The following SYN3 variants were observed in gnomAD, a reference collection of about 807,000 sequenced individuals.
SYN3 encodes synapsin-3.
SYN3 carries 35 observed loss-of-function variants against 65.8 expected under a neutral mutation model. The observed-to-expected ratio is 0.53, with a 90% confidence interval of 0.41 to 0.70. The LOEUF (loss-of-function observed/expected upper bound fraction) is 0.70, where lower values mean the gene tolerates loss of function less well. Among genes scored for constraint, SYN3 ranks in the 30% least tolerant of loss-of-function variants. The probability of loss-of-function intolerance (pLI) is 0.00; values close to 1 mark genes in which losing one functional copy is unlikely to be tolerated. For synonymous variants in SYN3, 270 were observed against 292.9 expected, an observed-to-expected ratio of 0.92 and a Z score of 0.80; for missense variants, 680 against 749.0, an observed-to-expected ratio of 0.91 and a Z score of 1.08.
intron 6 of SYN3, among the ~76,000 whole-genome samples, chr22:32,725,523 G>A (rs2061178318): frequency 6.6e-6 from 1 of 152,200 alleles, no homozygotes; most frequent in Non-Finnish European, 1.5e-5. Flanking sequence ...TCTTGAGATG[G>A]AGAGATTATC....
Position 33,017,706 on chromosome 22 carries a change from C to A in SYN3, c.-162-10882G>T, listed in dbSNP as rs542548402. On this transcript the variant is annotated intron_variant, in intron 1 of 13. Coordinates refer to ENST00000358763, the MANE Select transcript of SYN3 (RefSeq NM_003490.4). ...TATAAAAAAATGCTACTGATTTTTG[C>A]GTGTTGATTTCGTACCCTGCAACTT... Among the ~76,000 whole-genome samples, 72 of 149,976 alleles carry A rather than the reference C, an allele frequency of 4.8e-4. 1 individual carries two copies. The highest frequency in any genetic ancestry group is 1.0e-4 in the Non-Finnish European group (7 of 67,672).
At chr22:32,618,247 G>C (rs529539425) in intron 6 of SYN3, among the ~76,000 whole-genome samples, 3 of 152,242 alleles carry the variant, frequency 2.0e-5, no homozygotes, top group East Asian at 3.9e-4. Flanking sequence ...AACTGAGCTC[G>C]TGTGAAATTG....
chr22:32,865,481 T>C (rs960777529), intron 5 of SYN3, among the ~76,000 whole-genome samples: 1 of 152,246 alleles, frequency 6.6e-6, no homozygotes, highest in African/African-American at 2.4e-5. Flanking sequence ...TTCTGAGCTT[T>C]CGTTTCTTCA....
intron 6 of SYN3, among the ~76,000 whole-genome samples, chr22:32,792,339 C>T (rs973496927): frequency 2.0e-5 from 3 of 152,136 alleles, no homozygotes; most frequent in South Asian, 2.1e-4. Flanking sequence ...TTTGAGAGAT[C>T]GTTAAATCCA....
chr22:33,011,987 G>A (rs1362488359), intron 1 of SYN3, among the ~76,000 whole-genome samples: 1 of 152,016 alleles, frequency 6.6e-6, no homozygotes, highest in Non-Finnish European at 1.5e-5. Context: ...CTCTTGCAGG[G>A]CACCAACTTG....
intron 3 of SYN3, among the ~76,000 whole-genome samples, chr22:32,979,253 C>A (rs1319772937): frequency 6.6e-6 from 1 of 151,828 alleles, no homozygotes; most frequent in African/African-American, 2.4e-5. Context: ...TCCTCCTAGA[C>A]CACAGGCATT....
chr22:32,742,579 A>C (rs78728098), intron 6 of SYN3, among the ~76,000 whole-genome samples: 8,793 of 152,188 alleles, frequency 0.058, 268 homozygotes, highest in Non-Finnish European at 0.069. Context: ...GTTCTTTCTC[A>C]CTCTATAGAC....
rs542998105 is a variant in SYN3, at chr22:32,508,278, G to A, written c.*5414C>T. ...TAAATTTCCTTCTTCTGGCTCAGAA[G>A]CTCCCGCACTGAGCACCTTGTGACC... On this transcript the variant is annotated 3_prime_UTR_variant, in exon 14 of 14. Coordinates refer to ENST00000358763, the MANE Select transcript of SYN3 (RefSeq NM_003490.4). Among the ~76,000 whole-genome samples the A allele has an allele frequency of 1.3e-5, 2 of 152,096 alleles. No homozygotes were observed. The highest frequency in any genetic ancestry group is 2.4e-5 in the African/African-American group (1 of 41,402).
chr22:32,949,246 T>C (rs2051210958), intron 3 of SYN3, among the ~76,000 whole-genome samples: 1 of 151,808 alleles, frequency 6.6e-6, no homozygotes, highest in Non-Finnish European at 1.5e-5. Flanking sequence ...GACCCTTATA[T>C]CTTTTTAAAA....
At chr22:32,570,092 G>T (rs1190091958) in intron 7 of SYN3, among the ~76,000 whole-genome samples, 1 of 152,174 alleles carries the variant, frequency 6.6e-6, no homozygotes, top group Non-Finnish European at 1.5e-5. Flanking sequence ...ACAATGGCTG[G>T]ACTTATCTTG....
intron 1 of SYN3, among the ~76,000 whole-genome samples, chr22:33,020,792 C>A (rs1463688199): frequency 6.6e-6 from 1 of 152,202 alleles, no homozygotes; most frequent in Non-Finnish European, 1.5e-5. Context: ...AGGCAGTAAG[C>A]TTGAAGGTTA....
intron 2 of SYN3, among the ~76,000 whole-genome samples, chr22:32,995,206 C>T (rs554008988): frequency 6.6e-6 from 1 of 152,296 alleles, no homozygotes; most frequent in East Asian, 1.9e-4. Flanking sequence ...TTTGGCTCTT[C>T]CCAGCCAGAA....
intron 3 of SYN3, among the ~76,000 whole-genome samples, chr22:32,958,807 G>A (rs550103955): frequency 4.1e-4 from 62 of 152,168 alleles, no homozygotes; most frequent in African/African-American, 1.4e-3. Context: ...TGAATCCAAG[G>A]TCCCTGCTTT....
intron 4 of SYN3, among the ~76,000 whole-genome samples, chr22:32,918,167 G>C (rs1569325836): frequency 6.6e-6 from 1 of 152,258 alleles, no homozygotes. Context: ...GAGTCGGCTG[G>C]TCATGAATGC....
intron 4 of SYN3, among the ~76,000 whole-genome samples, chr22:32,879,190 T>C (rs2049060060): frequency 6.6e-6 from 1 of 152,216 alleles, no homozygotes; most frequent in Non-Finnish European, 1.5e-5. Context: ...GAGCATCACA[T>C]ACCCTTAAAC....
chr22:32,928,598 C>T (rs1349019985), intron 4 of SYN3, among the ~76,000 whole-genome samples: 1 of 152,100 alleles, frequency 6.6e-6, no homozygotes, highest in Non-Finnish European at 1.5e-5. Context: ...CTGTAATCTG[C>T]CTTTTTTCCT....
At chr22:32,914,420 C>T (rs1263600326) in intron 4 of SYN3, among the ~76,000 whole-genome samples, 1 of 148,954 alleles carries the variant, frequency 6.7e-6, no homozygotes, top group East Asian at 2.0e-4. Context: ...GGGATAGTAA[C>T]AGGCCCTATC....
At chr22:33,008,403 G>C (rs1044774776) in intron 1 of SYN3, among the ~76,000 whole-genome samples, 2 of 152,064 alleles carry the variant, frequency 1.3e-5, no homozygotes, top group Non-Finnish European at 2.9e-5. Context: ...CTCCTAACAG[G>C]CAAATACTCT....
intron 4 of SYN3, among the ~76,000 whole-genome samples, chr22:32,898,836 C>T (rs1256957475): frequency 6.6e-6 from 1 of 152,188 alleles, no homozygotes; most frequent in Non-Finnish European, 1.5e-5. Context: ...GGCGCGGTGG[C>T]TCACGCCTGT....
Sources: gnomAD v4.1 joint callset for allele counts (sites outside exome capture counted in the v4.1 genomes callset) on GRCh38, gnomAD v4.1.1 for gene constraint, MANE v1.5 for transcripts, NCBI Gene and HGNC (gene_info 2026-07-23, HGNC 2026-07-21) for gene names.